The following ACSM3 variants were observed in gnomAD, a reference collection of about 807,000 sequenced individuals.
ACSM3 encodes acyl-coenzyme A synthetase ACSM3, mitochondrial.
Under a neutral mutation model 74.1 loss-of-function variants are expected in ACSM3, and 61 were observed. The observed-to-expected ratio is 0.82, with a 90% CI of 0.67 to 1.02. ACSM3 has a LOEUF of 1.02. Ranked by LOEUF, ACSM3 falls within the 50% of genes least tolerant of loss-of-function variation. The pLI is 0.00. For synonymous variants in ACSM3, 213 were observed against 241.5 expected, an observed-to-expected ratio of 0.88 and a Z score of 1.09; for missense variants, 660 against 697.0, an observed-to-expected ratio of 0.95 and a Z score of 0.60.
intron 7 of ACSM3, 115 bp from the exon 8 acceptor site, chr16:20,784,869 G>T (rs1206711025): frequency 7.0e-6 from 8 of 1,136,298 alleles, no homozygotes; most frequent in Non-Finnish European, 8.5e-6. Flanking sequence ...GTGCTAGGGA[G>T]AGGAATTAAA....
chr16:20,693,404 G>GA (rs2079673379), intron 1 of ACSM3, among the ~76,000 whole-genome samples: 1 of 152,106 alleles, frequency 6.6e-6, no homozygotes, highest in South Asian at 2.1e-4. Flanking sequence ...AGTTTGATTG[G>GA]AAAAAATGGC....
intron 9 of ACSM3, chr16:20,789,511 GTTTACTCATA>G: frequency 6.2e-7 from 1 of 1,613,646 alleles, no homozygotes. Context: ...CCCTTTTCCT[GTTTACTCATA>G]TTGGGCTTCT....
At chr16:20,730,860 T>C (rs1003511983) in intron 1 of ACSM3, among the ~76,000 whole-genome samples, 2 of 152,116 alleles carry the variant, frequency 1.3e-5, no homozygotes, top group Non-Finnish European at 2.9e-5. Context: ...TTTTGTTTCA[T>C]TTTGTTTTGT....
chr16:20,791,411 T>C (rs1424690426), intron 10 of ACSM3, among the ~76,000 whole-genome samples: 4 of 152,250 alleles, frequency 2.6e-5, no homozygotes, highest in Non-Finnish European at 5.9e-5. Flanking sequence ...GCAAAAGACT[T>C]AATTTAGTTT....
chr16:20,708,032 G>C (rs1210681959), intron 1 of ACSM3, among the ~76,000 whole-genome samples: 1 of 152,240 alleles, frequency 6.6e-6, no homozygotes, highest in South Asian at 2.1e-4. Flanking sequence ...AGGGCATGGT[G>C]GTTCATGCCT....
Position 20,729,385 on chromosome 16 carries a change from C to G in ACSM3, c.-189-20525C>G, listed in dbSNP as rs541873401. 3.3e-6 allele frequency: 4 copies of G among 1,219,442 alleles called. No homozygotes were observed. The African/African-American group carries it at 4.5e-5, about 14-fold the overall frequency. 75.5% of individuals were successfully genotyped at this position (1,219,442 alleles called of 1,614,324 possible). A position where few individuals can be genotyped will look rare whatever the true frequency, so the allele number is the denominator to read the frequency against. ...TTGTAGATTTGCCACTCTTAAGAGGCAAGGATTGACAGGGGGGGAGCTCTC... is the reference window on the plus strand; with the variant it reads ...TTGTAGATTTGCCACTCTTAAGAGGGAAGGATTGACAGGGGGGGAGCTCTC... On this transcript the variant is annotated intron_variant, in intron 1 of 3. Transcript: ENST00000561584.
Position 20,765,729 on chromosome 16 carries a change from G to A in ACSM3, c.-52+1604G>A, listed in dbSNP as rs575942439. Among the ~76,000 whole-genome samples, 7 of 152,216 alleles carry A rather than the reference G, an allele frequency of 4.6e-5. No homozygotes were observed. The South Asian group carries it at 8.3e-4, about 18-fold the overall frequency. On this transcript the variant is annotated intron_variant, in intron 1 of 13. Transcript: ENST00000289416. ...AAATACACGGGTAATGAATAAATGC[G>A]TTGTCCAATTTAAATATGTGTGTCT...
rs189978693 is a variant in ACSM3 at position 20,782,296 on chromosome 16, T to A, written c.1019+509T>A. ...GGGAAACAGGTGGTGTTTGGTTACA[T>A]GAATAAGTTCTTTAGTGGTGACTTC... is the stretch of plus-strand genomic sequence containing the variant. On this transcript the variant is annotated intron_variant, in intron 7 of 13. Coordinates refer to ENST00000289416, the MANE Select transcript of ACSM3 (RefSeq NM_005622.4). Among the ~76,000 whole-genome samples, 94 of 152,296 alleles carry A rather than the reference T, an allele frequency of 6.2e-4. 1 individual carries two copies. The highest frequency in any genetic ancestry group is 1.8e-3 in the African/African-American group (74 of 41,568).
upstream of ACSM3, among the ~76,000 whole-genome samples, chr16:20,763,365 G>A (rs1369928822): frequency 3.3e-5 from 5 of 152,234 alleles, no homozygotes; most frequent in African/African-American, 1.2e-4. Context: ...GGGGATATCT[G>A]AGGAAAGAGT....
intron 2 of ACSM3, among the ~76,000 whole-genome samples, chr16:20,750,475 T>C (rs978855502): frequency 4.6e-5 from 7 of 152,106 alleles, no homozygotes; most frequent in African/African-American, 9.7e-5. Flanking sequence ...AACACCCCCC[T>C]CTCTCTCGTT....
At chr16:20,762,794 C>G (rs924196931), upstream of ACSM3, among the ~76,000 whole-genome samples, 1 of 152,186 alleles carries the variant, frequency 6.6e-6, no homozygotes, top group African/African-American at 2.4e-5. Flanking sequence ...GGCATCTACA[C>G]AAAACCTACT....
intron 9 of ACSM3, among the ~76,000 whole-genome samples, chr16:20,787,907 C>G (rs1001867789): frequency 6.6e-6 from 1 of 152,158 alleles, no homozygotes; most frequent in Non-Finnish European, 1.5e-5. Context: ...AGAACCACCC[C>G]CCGACAACCC....
rs1307996915 is a variant in ACSM3 at position 20,742,807 on chromosome 16, ATATATATT to A, written c.-189-7101_-189-7094del. ...GGTGCGTGTAAATATATATATATAT[ATATATATT>A]TTTTTTTTTTCCCTTCTCCCCTTCC... On this transcript the variant is annotated intron_variant, in intron 1 of 3. Coordinates refer to the ACSM3 transcript ENST00000561584. 4.5e-3 allele frequency among the ~76,000 whole-genome samples: 433 copies of A among 95,942 alleles called. 1 individual carries two copies. The highest frequency in any genetic ancestry group is 5.7e-3 in the African/African-American group (147 of 25,714). The allele number at this position is 95,942 out of a possible 152,430, so 62.9% of individuals were successfully genotyped here.
chr16:20,757,809 C>T (rs1253646295), intron 3 of ACSM3, among the ~76,000 whole-genome samples: 2 of 151,586 alleles, frequency 1.3e-5, no homozygotes, highest in Non-Finnish European at 3.0e-5. Flanking sequence ...AGATACGTCC[C>T]ATCAATACCT....
chr16:20,774,224 C>T (rs1176648341), intron 2 of ACSM3, among the ~76,000 whole-genome samples: 1 of 146,106 alleles, frequency 6.8e-6, no homozygotes, highest in Non-Finnish European at 1.5e-5. Flanking sequence ...TTTTCCATCT[C>T]TTCATTTTCT....
intron 7 of ACSM3, 151 bp from the exon 8 acceptor site, chr16:20,784,832 TG>T: frequency 1.5e-6 from 1 of 658,524 alleles, no homozygotes; most frequent in Non-Finnish European, 2.4e-6. Context: ...TAGTTGTATA[TG>T]TTTATGGGGT....
At chr16:20,702,068 T>C (rs2079714266) in intron 1 of ACSM3, among the ~76,000 whole-genome samples, 4 of 152,206 alleles carry the variant, frequency 2.6e-5, no homozygotes, top group Non-Finnish European at 4.4e-5. Context: ...AGTAATGGGA[T>C]TGCTGGGTCA....
At position 20,783,625 on chromosome 16, in the gene ACSM3, C is replaced by T. The variant is rs987805026; in HGVS notation, c.1020-1359C>T. On this transcript the variant is annotated intron_variant, in intron 7 of 13. Transcript: ENST00000289416. ...ATTTAAACTGATGTTATTTAATTAT[C>T]GAATAGGAAATAATTCACCTGCCAT... 4 of 151,964 alleles carry T rather than the reference C, an allele frequency of 2.6e-5. 1 individual carries two copies. The highest frequency in any genetic ancestry group is 4.4e-5 in the Non-Finnish European group (3 of 67,952). The allele number at this position is 151,964 out of a possible 1,614,324, so 9.4% of individuals were successfully genotyped here.
upstream of ACSM3, among the ~76,000 whole-genome samples, chr16:20,759,707 G>T (rs931596704): frequency 2.6e-5 from 4 of 152,040 alleles, no homozygotes; most frequent in Admixed American, 2.6e-4. Context: ...CTTTAATCTG[G>T]CTGTTCATCT....
Sources: gnomAD v4.1 joint callset for allele counts (sites outside exome capture counted in the v4.1 genomes callset) on GRCh38, gnomAD v4.1.1 for gene constraint, MANE v1.5 for transcripts, NCBI Gene and HGNC (gene_info 2026-07-23, HGNC 2026-07-21) for gene names.